The following KCNMA1 variants were observed in gnomAD, a reference collection of about 807,000 sequenced individuals.
KCNMA1 encodes Calcium-activated potassium channel subunit alpha-1.
Under a neutral mutation model 140.0 loss-of-function variants are expected in KCNMA1, and 29 were observed. The ratio of observed to expected loss-of-function variants is 0.21; its 90% CI spans 0.15 to 0.28. KCNMA1 has a LOEUF of 0.28. Ranked by LOEUF, KCNMA1 falls within the 10% of genes least tolerant of loss-of-function variation. KCNMA1 has a pLI of 1.00. For missense variants in KCNMA1, 880 were observed against 1,602.2 expected, an observed-to-expected ratio of 0.55 and a Z score of 7.70; for synonymous variants, 612 against 611.9, an observed-to-expected ratio of 1.00 and a Z score of 0.00.
intron 1 of KCNMA1, among the ~76,000 whole-genome samples, chr10:77,532,305 CT>C (rs766672889): frequency 3.3e-5 from 5 of 152,162 alleles, no homozygotes; most frequent in Non-Finnish European, 7.3e-5. Flanking sequence ...CACGAGATGA[CT>C]TTGAGTTCCC....
chr10:77,613,491 A>G (rs2087842901), intron 1 of KCNMA1, among the ~76,000 whole-genome samples: 2 of 152,234 alleles, frequency 1.3e-5, no homozygotes, highest in African/African-American at 4.8e-5. Flanking sequence ...ATTTGGGCCA[A>G]CTGGTTTTGG....
At chr10:77,520,229 A>AGGGTGTGCATTGTGAGGTCCG (rs2052744214) in intron 1 of KCNMA1, among the ~76,000 whole-genome samples, 2 of 150,000 alleles carry the variant, frequency 1.3e-5, no homozygotes, top group Admixed American at 6.7e-5. Flanking sequence ...ATGCAGTGTG[A>AGGGTGTGCATTGTGAGGTCCG]GGGTATGCAG....
intron 1 of KCNMA1, among the ~76,000 whole-genome samples, chr10:77,436,555 C>T (rs1382245347): frequency 1.3e-5 from 2 of 152,194 alleles, no homozygotes; most frequent in African/African-American, 4.8e-5. Flanking sequence ...TACAGTATCT[C>T]ATTTAACTAA....
At chr10:77,151,206 CTCTT>C (rs5786267) in intron 5 of KCNMA1, among the ~76,000 whole-genome samples, 123,907 of 145,834 alleles carry the variant, frequency 0.85, 52,405 homozygotes, top group East Asian at 0.92. Flanking sequence ...CTCTCTCTCT[CTCTT>C]TCTTTCTTTC....
At chr10:77,612,191 G>A (rs556354610) in intron 1 of KCNMA1, among the ~76,000 whole-genome samples, 133 of 152,250 alleles carry the variant, frequency 8.7e-4, no homozygotes, top group African/African-American at 3.0e-3. Flanking sequence ...AAGATAATGT[G>A]CACATTTCAC....
chr10:77,381,956 G>A (rs1164461283), intron 2 of KCNMA1, among the ~76,000 whole-genome samples: 1 of 152,144 alleles, frequency 6.6e-6, no homozygotes, highest in Non-Finnish European at 1.5e-5. Flanking sequence ...TACTGGCCCT[G>A]AGAGGCGCCA....
At chr10:77,425,240 T>A (rs553092152) in intron 1 of KCNMA1, among the ~76,000 whole-genome samples, 3 of 152,192 alleles carry the variant, frequency 2.0e-5, no homozygotes, top group Non-Finnish European at 4.4e-5. Context: ...TTATTTAACA[T>A]TGTAGTCACT....
intron 1 of KCNMA1, among the ~76,000 whole-genome samples, chr10:77,455,116 C>A (rs1001484785): frequency 6.6e-6 from 1 of 152,306 alleles, no homozygotes; most frequent in Middle Eastern, 3.4e-3. Context: ...GTTATTCATG[C>A]ATTCTTTCAT....
chr10:77,368,331 A>G (rs185461233), intron 2 of KCNMA1, among the ~76,000 whole-genome samples: 3 of 152,228 alleles, frequency 2.0e-5, no homozygotes, highest in East Asian at 3.9e-4. Flanking sequence ...TTGCCATCCA[A>G]ATATCCTCTT....
intron 5 of KCNMA1, among the ~76,000 whole-genome samples, chr10:77,161,981 A>C (rs2098558811): frequency 6.6e-6 from 1 of 152,250 alleles, no homozygotes; most frequent in Non-Finnish European, 1.5e-5. Flanking sequence ...TGAGTGAATC[A>C]TTTATTAATC....
At chr10:77,283,605 T>C (rs1344592204) in intron 2 of KCNMA1, among the ~76,000 whole-genome samples, 3 of 152,064 alleles carry the variant, frequency 2.0e-5, no homozygotes, top group African/African-American at 7.2e-5. Flanking sequence ...TTTGATGAGG[T>C]GGTAGAGTTG....
chr10:77,508,466 C>T (rs958569309), intron 1 of KCNMA1, among the ~76,000 whole-genome samples: 3 of 151,518 alleles, frequency 2.0e-5, no homozygotes, highest in Non-Finnish European at 2.9e-5. Context: ...ATTAGAGGCG[C>T]GAGTCCCCCC....
intron 3 of KCNMA1, among the ~76,000 whole-genome samples, chr10:77,227,181 A>G (rs2051765158): frequency 6.6e-6 from 1 of 152,220 alleles, no homozygotes; most frequent in Admixed American, 6.5e-5. Flanking sequence ...AGAAAAGCAG[A>G]AGAGGGAAAA....
At chr10:77,297,236 G>C (rs1007257108) in intron 2 of KCNMA1, among the ~76,000 whole-genome samples, 1 of 152,142 alleles carries the variant, frequency 6.6e-6, no homozygotes, top group Admixed American at 6.5e-5. Flanking sequence ...CAAGAGTAGA[G>C]CCAAACCAAA....
intron 2 of KCNMA1, among the ~76,000 whole-genome samples, chr10:77,256,326 C>T (rs1161828521): frequency 1.3e-5 from 2 of 152,130 alleles, no homozygotes; most frequent in Admixed American, 6.5e-5. Flanking sequence ...AGGTGGCTAC[C>T]ACCAGAATCC....
At chr10:76,877,851 G>C in exon 30 of KCNMA1, 1 of 1,610,002 alleles carries the variant, frequency 6.2e-7, no homozygotes, top group Non-Finnish European at 8.5e-7. Context: ...AATGTTTCTG[G>C]GATAGGCATT....
At chr10:76,934,531 T>A (rs2060042043) in intron 23 of KCNMA1, among the ~76,000 whole-genome samples, 1 of 152,332 alleles carries the variant, frequency 6.6e-6, no homozygotes, top group South Asian at 2.1e-4. Context: ...CCTGTATCCT[T>A]AAGTATGTGT....
chr10:77,069,096 A>G (rs1054601448), intron 14 of KCNMA1, among the ~76,000 whole-genome samples: 1 of 152,200 alleles, frequency 6.6e-6, no homozygotes, highest in African/African-American at 2.4e-5. Context: ...GTAGAGAGTA[A>G]GTGTGGCCAC....
At chr10:76,996,370 G>A (rs2084323636) in intron 19 of KCNMA1, among the ~76,000 whole-genome samples, 1 of 152,212 alleles carries the variant, frequency 6.6e-6, no homozygotes, top group Non-Finnish European at 1.5e-5. Flanking sequence ...GGCTTCTGTA[G>A]CCTCACCTGC....
Sources: allele counts gnomAD v4.1 joint callset (sites outside exome capture counted in the v4.1 genomes callset), GRCh38; gene constraint gnomAD v4.1.1; transcripts MANE v1.5; gene names NCBI Gene and HGNC (gene_info 2026-07-23, HGNC 2026-07-21).